The following GRIK2 variants were observed in gnomAD, a reference collection of about 807,000 sequenced individuals.
The protein encoded by GRIK2 is glutamate receptor ionotropic, kainate 2.
Under a neutral mutation model 100.3 loss-of-function variants are expected in GRIK2, and 32 were observed. That is an observed-to-expected ratio of 0.32 (90% CI 0.24 to 0.43). GRIK2 has a LOEUF of 0.43. Ranked by LOEUF, GRIK2 falls within the 20% of genes least tolerant of loss-of-function variation. The probability of loss-of-function intolerance (pLI) is 1.00; values close to 1 mark genes in which losing one functional copy is unlikely to be tolerated. For synonymous variants in GRIK2, 417 were observed against 389.4 expected (o/e 1.07, Z -0.83); for missense variants, 843 against 1,114.9 (o/e 0.76, Z 3.47).
chr6:101,400,775 A>G (rs113490903), intron 2 of GRIK2, among the ~76,000 whole-genome samples: 8 of 152,330 alleles, frequency 5.3e-5, no homozygotes, highest in Middle Eastern at 6.8e-3. Flanking sequence ...CACCGACCAC[A>G]CATACACATA....
chr6:101,715,704 C>T (rs1562330031), intron 7 of GRIK2, among the ~76,000 whole-genome samples: 2 of 151,706 alleles, frequency 1.3e-5, no homozygotes, highest in African/African-American at 2.4e-5. Context: ...CCTGACAAAT[C>T]AGCAGAGTTG....
chr6:101,638,378 G>A (rs1431805246), intron 4 of GRIK2, among the ~76,000 whole-genome samples: 1 of 151,728 alleles, frequency 6.6e-6, no homozygotes, highest in Non-Finnish European at 1.5e-5. Flanking sequence ...AACGTGATAG[G>A]TGTTATGAAG....
intron 7 of GRIK2, among the ~76,000 whole-genome samples, chr6:101,787,742 G>A (rs1303966328): frequency 6.6e-6 from 1 of 152,094 alleles, no homozygotes; most frequent in Non-Finnish European, 1.5e-5. Flanking sequence ...TTCCTGGACT[G>A]TTTTGTGTGC....
At chr6:101,471,900 T>A (rs1771966286) in intron 2 of GRIK2, among the ~76,000 whole-genome samples, 1 of 151,878 alleles carries the variant, frequency 6.6e-6, no homozygotes, top group Admixed American at 6.6e-5. Flanking sequence ...AGAAAAGAGG[T>A]CAATATATTA....
chr6:101,606,097 C>A (rs992016143), intron 2 of GRIK2, among the ~76,000 whole-genome samples: 1 of 151,838 alleles, frequency 6.6e-6, no homozygotes, highest in Non-Finnish European at 1.5e-5. Flanking sequence ...CCAACTTTGC[C>A]CATATTACTG....
chr6:101,905,240 T>A (rs868555829), intron 12 of GRIK2, among the ~76,000 whole-genome samples: 1 of 151,552 alleles, frequency 6.6e-6, no homozygotes, highest in Non-Finnish European at 1.5e-5. Flanking sequence ...GGTAGCAATT[T>A]TGAATGGCTC....
chr6:102,055,355 C>T lies in GRIK2; in HGVS notation c.2337C>T (p.Thr779=). The T allele has an allele frequency of 6.2e-7, 1 of 1,610,722 alleles. No individual in the cohort carries two copies. Residue 779 remains threonine, a synonymous_variant, in exon 16 of 17, where the codon ACC becomes ACT. Coordinates refer to ENST00000369134, the MANE Select transcript of GRIK2 (RefSeq NM_021956.5). The part of the protein sequence containing the change: ...PMGSPYRDKI[T]IAILQLQEEG... ...GTTCTCCATATCGAGACAAAATTAC[C>T]ATAGCAATTCTTCAGCTGCAAGAGG... is the stretch of plus-strand genomic sequence containing the variant.
intron 10 of GRIK2, among the ~76,000 whole-genome samples, chr6:101,822,121 A>C (rs2128423814): frequency 6.6e-6 from 1 of 151,936 alleles, no homozygotes; most frequent in South Asian, 2.1e-4. Flanking sequence ...ATGATATACT[A>C]AGCACTGTAT....
At chr6:101,702,733 C>G (rs925340572) in intron 7 of GRIK2, among the ~76,000 whole-genome samples, 1 of 151,600 alleles carries the variant, frequency 6.6e-6, no homozygotes, top group African/African-American at 2.4e-5. Context: ...GGCCCTTTAG[C>G]TAGGGTTATG....
intron 2 of GRIK2, among the ~76,000 whole-genome samples, chr6:101,607,724 G>GT: frequency 6.6e-6 from 1 of 151,920 alleles, no homozygotes; most frequent in South Asian, 2.1e-4. Flanking sequence ...TAGTTCTTTG[G>GT]TATGCAATCA....
intron 7 of GRIK2, among the ~76,000 whole-genome samples, chr6:101,798,504 T>C (rs1360607435): frequency 6.6e-6 from 1 of 152,104 alleles, no homozygotes; most frequent in Non-Finnish European, 1.5e-5. Context: ...TGTTCTCTTA[T>C]TGCATTGTGC....
intron 14 of GRIK2, among the ~76,000 whole-genome samples, chr6:101,954,953 G>C (rs1408795626): frequency 6.6e-6 from 1 of 152,006 alleles, no homozygotes; most frequent in Non-Finnish European, 1.5e-5. Flanking sequence ...AGTTTACTGA[G>C]ATGGTCCTCT....
At chr6:101,736,378 C>T (rs976857185) in intron 7 of GRIK2, among the ~76,000 whole-genome samples, 1 of 152,218 alleles carries the variant, frequency 6.6e-6, no homozygotes, top group East Asian at 1.9e-4. Context: ...AGAGTTTCTC[C>T]ACGAGGGCCC....
intron 4 of GRIK2, among the ~76,000 whole-genome samples, chr6:101,675,306 C>CCACACACACACA (rs3056135): frequency 1.3e-5 from 2 of 149,206 alleles, no homozygotes; most frequent in African/African-American, 2.5e-5. Context: ...CACACACACA[C>CCACACACACACA]CACACACACA....
chr6:102,063,008 C>A (rs1260019514), intron 16 of GRIK2, among the ~76,000 whole-genome samples: 3 of 150,336 alleles, frequency 2.0e-5, no homozygotes, highest in Non-Finnish European at 4.5e-5. Context: ...GGGCAAATGG[C>A]CTATAGAGTC....
intron 4 of GRIK2, among the ~76,000 whole-genome samples, chr6:101,661,725 A>T (rs937058107): frequency 6.6e-6 from 1 of 151,908 alleles, no homozygotes; most frequent in African/African-American, 2.4e-5. Context: ...TGGCTAGGGG[A>T]GGGAGTTCCC....
intron 7 of GRIK2, among the ~76,000 whole-genome samples, chr6:101,722,166 A>T (rs1446732802): frequency 6.6e-6 from 1 of 151,976 alleles, no homozygotes; most frequent in Non-Finnish European, 1.5e-5. Flanking sequence ...GTGATTAGCA[A>T]TATTCTTCTT....
chr6:101,409,495 ATTAAAAG>A (rs1775775822), intron 2 of GRIK2, among the ~76,000 whole-genome samples: 1 of 152,146 alleles, frequency 6.6e-6, no homozygotes, highest in African/African-American at 2.4e-5. Context: ...AATAAATAGA[ATTAAAAG>A]TTAAGACAAC....
intron 7 of GRIK2, among the ~76,000 whole-genome samples, chr6:101,794,901 TG>T (rs1780183615): frequency 6.6e-6 from 1 of 151,750 alleles, no homozygotes; most frequent in Admixed American, 6.6e-5. Context: ...AGTCTCACTT[TG>T]TCACCCAGTC....
Sources: gnomAD v4.1 joint callset for allele counts (sites outside exome capture counted in the v4.1 genomes callset) on GRCh38, gnomAD v4.1.1 for gene constraint, MANE v1.5 for transcripts, NCBI Gene and HGNC (gene_info 2026-07-23, HGNC 2026-07-21) for gene names.